Variants in LRMDA observed in about 807,000 individuals in gnomAD.
The protein encoded by LRMDA is leucine rich melanocyte differentiation associated.
Under a neutral mutation model 29.8 loss-of-function variants are expected in LRMDA, and 18 were observed. The ratio of observed to expected loss-of-function variants is 0.60; its 90% CI spans 0.42 to 0.90. The LOEUF (loss-of-function observed/expected upper bound fraction) is 0.90. LRMDA is among the 40% of genes least tolerant of loss of function. The pLI is 0.00. For synonymous variants in LRMDA, 125 were observed against 109.4 expected (o/e 1.14, Z -0.89); for missense variants, 273 against 273.9 (o/e 1.00, Z 0.02).
intron 2 of LRMDA, among the ~76,000 whole-genome samples, chr10:75,689,541 G>A (rs541844427): frequency 2.6e-5 from 4 of 152,086 alleles, no homozygotes; most frequent in Non-Finnish European, 5.9e-5. Flanking sequence ...CCCTATCATC[G>A]GATGTGAGTT....
chr10:76,436,578 T>C (rs928688798), intron 6 of LRMDA, among the ~76,000 whole-genome samples: 7 of 152,176 alleles, frequency 4.6e-5, no homozygotes, highest in African/African-American at 1.7e-4. Flanking sequence ...AGTGACAAGA[T>C]GCTGGCTTTG....
chr10:76,272,695 T>C lies in LRMDA; in HGVS notation c.517-51706T>C, dbSNP rs1347467691. 3.9e-5 allele frequency among the ~76,000 whole-genome samples: 6 copies of C among 152,272 alleles called. No homozygotes were observed. The East Asian group carries it at 1.2e-3, about 29-fold the overall frequency. Reference sequence around the variant, plus strand: ...GTTTGTTCTCACACTGCTATAAAGATACTACCTGAGTCTGGGTAATTTATA... The same window carrying C: ...GTTTGTTCTCACACTGCTATAAAGACACTACCTGAGTCTGGGTAATTTATA... On this transcript the variant is annotated intron_variant, in intron 5 of 6. Transcript: ENST00000611255.
intron 2 of LRMDA, among the ~76,000 whole-genome samples, chr10:75,559,544 C>T (rs995462438): frequency 2.0e-5 from 3 of 149,352 alleles, no homozygotes; most frequent in Admixed American, 1.3e-4. Flanking sequence ...TAATGAGATC[C>T]CATTAGTCAA....
intron 2 of LRMDA, among the ~76,000 whole-genome samples, chr10:75,453,298 AG>A (rs1233629629): frequency 6.6e-6 from 1 of 152,172 alleles, no homozygotes; most frequent in Non-Finnish European, 1.5e-5. Flanking sequence ...GTCTCTACCT[AG>A]CTGCTGGTTT....
chr10:76,298,892 C>T (rs1840444975), intron 5 of LRMDA, among the ~76,000 whole-genome samples: 2 of 152,106 alleles, frequency 1.3e-5, no homozygotes. Context: ...TATATAAACC[C>T]TTCTGGGATG....
intron 2 of LRMDA, among the ~76,000 whole-genome samples, chr10:75,792,118 A>G (rs745381113): frequency 6.6e-6 from 1 of 151,870 alleles, no homozygotes; most frequent in Non-Finnish European, 1.5e-5. Flanking sequence ...TCGGCCTCTC[A>G]AAGTGCTGCG....
Position 75,487,841 on chromosome 10 carries a change from A to C in LRMDA, c.131+49347A>C, listed in dbSNP as rs116238764. 8.7e-3 allele frequency among the ~76,000 whole-genome samples: 1,319 copies of C among 152,318 alleles called. 16 individuals carry two copies. The highest frequency in any genetic ancestry group is 0.025 in the African/African-American group (1,040 of 41,566). On this transcript the variant is annotated intron_variant, in intron 2 of 6. Transcript: ENST00000611255. ...TAGCTGGGGAGTCATCGCTCCATGC[A>C]GGCCCTGAGAATGGAGCATCCTGAG...
At chr10:76,011,989 G>T (rs2132480874) in intron 2 of LRMDA, among the ~76,000 whole-genome samples, 1 of 152,272 alleles carries the variant, frequency 6.6e-6, no homozygotes, top group Non-Finnish European at 1.5e-5. Flanking sequence ...GAGGGAGTGA[G>T]GCTGGCCGTA....
At chr10:75,840,882 G>T (rs1844529073) in intron 2 of LRMDA, among the ~76,000 whole-genome samples, 1 of 152,190 alleles carries the variant, frequency 6.6e-6, no homozygotes, top group Non-Finnish European at 1.5e-5. Context: ...CTTGTTACAT[G>T]TACTTTTTGA....
chr10:76,552,372 C>A (rs1158171819), intron 6 of LRMDA, among the ~76,000 whole-genome samples: 2 of 152,192 alleles, frequency 1.3e-5, no homozygotes, highest in Non-Finnish European at 2.9e-5. Flanking sequence ...TTAATGAAAA[C>A]CCTTTCCTCA....
At position 76,157,529 on chromosome 10, in the gene LRMDA, G is replaced by C. The variant is rs752853660; in HGVS notation, c.516+98746G>C. The stretch of plus-strand genomic sequence containing the variant: ...CTCAGAGGGCTGAGGCAGGAAGATT[G>C]CTTGAGCCCAGGAGTTCAAGGCTGC... On this transcript the variant is annotated intron_variant, in intron 5 of 6. Transcript: ENST00000611255. 2.1e-4 allele frequency among the ~76,000 whole-genome samples: 32 copies of C among 152,062 alleles called. No individual in the cohort carries two copies. The East Asian group carries it at 2.9e-3, about 14-fold the overall frequency.
chr10:76,335,783 TATC>T (rs1284769392), intron 6 of LRMDA, among the ~76,000 whole-genome samples: 1 of 152,170 alleles, frequency 6.6e-6, no homozygotes, highest in Non-Finnish European at 1.5e-5. Flanking sequence ...ACCAAGGCAT[TATC>T]ATGCAGATGA....
chr10:75,630,332 G>A (rs1057130704), intron 2 of LRMDA, among the ~76,000 whole-genome samples: 1 of 152,198 alleles, frequency 6.6e-6, no homozygotes, highest in Non-Finnish European at 1.5e-5. Flanking sequence ...TCCACTCTTT[G>A]AAGGACTAGC....
chr10:76,439,696 T>C (rs1842281026), intron 6 of LRMDA, among the ~76,000 whole-genome samples: 1 of 152,170 alleles, frequency 6.6e-6, no homozygotes, highest in Non-Finnish European at 1.5e-5. Context: ...GCTCTCAAAG[T>C]GCCACTGCGC....
At chr10:75,602,174 TAGG>T (rs908064116) in intron 2 of LRMDA, among the ~76,000 whole-genome samples, 1 of 151,284 alleles carries the variant, frequency 6.6e-6, no homozygotes, top group African/African-American at 2.5e-5. Flanking sequence ...AGTTTCTTAT[TAGG>T]AGGAAAAAAT....
At chr10:76,204,437 C>G (rs147940483) in intron 5 of LRMDA, among the ~76,000 whole-genome samples, 1 of 152,368 alleles carries the variant, frequency 6.6e-6, no homozygotes, top group African/African-American at 2.4e-5. Context: ...CACATATCCA[C>G]TACCTTCTTA....
intron 2 of LRMDA, among the ~76,000 whole-genome samples, chr10:75,628,997 C>T (rs1456405351): frequency 2.6e-5 from 4 of 152,198 alleles, no homozygotes; most frequent in Admixed American, 2.6e-4. Flanking sequence ...TAATGTCTCC[C>T]CTTCTTCAGG....
At chr10:76,222,030 A>G (rs901599229) in intron 5 of LRMDA, among the ~76,000 whole-genome samples, 15 of 152,226 alleles carry the variant, frequency 9.9e-5, no homozygotes, top group African/African-American at 3.1e-4. Context: ...AGGATTCCCT[A>G]TTTAATAAAT....
chr10:76,361,816 C>T (rs560882094), intron 6 of LRMDA, among the ~76,000 whole-genome samples: 17 of 152,272 alleles, frequency 1.1e-4, no homozygotes, highest in Admixed American at 1.0e-3. Context: ...TTGACACTGA[C>T]AGGACGTGGC....
Sources: allele counts gnomAD v4.1 joint callset (sites outside exome capture counted in the v4.1 genomes callset), GRCh38; gene constraint gnomAD v4.1.1; transcripts MANE v1.5; gene names NCBI Gene and HGNC (gene_info 2026-07-23, HGNC 2026-07-21).